Variants in CATSPERE observed in about 807,000 individuals in gnomAD.
CATSPERE encodes cation channel sperm-associated auxiliary subunit epsilon.
Under a neutral mutation model 114.1 loss-of-function variants are expected in CATSPERE, and 93 were observed. The observed-to-expected ratio is 0.81, with a 90% CI of 0.69 to 0.97. The LOEUF is 0.97. CATSPERE is among the 50% of genes least tolerant of loss of function. The pLI is 0.00. For synonymous variants in CATSPERE, 341 were observed against 384.1 expected (o/e 0.89, Z 1.31); for missense variants, 1,058 against 1,131.6 (o/e 0.93, Z 0.93).
intron 20 of CATSPERE, among the ~76,000 whole-genome samples, chr1:244,627,153 G>T (rs1673300675): frequency 6.6e-6 from 1 of 152,188 alleles, no homozygotes; most frequent in Admixed American, 6.5e-5. Flanking sequence ...AGGCTGAGGG[G>T]AGAGATGCGG....
At chr1:244,454,406 C>G (rs746305926) in exon 1 of CATSPERE, 1 of 152,100 alleles carries the variant, frequency 6.6e-6, no homozygotes, top group Non-Finnish European at 1.5e-5. Context: ...AATGTTAATT[C>G]GGTTCCCCAT....
chr1:244,620,494 T>G (rs918232671), intron 20 of CATSPERE, among the ~76,000 whole-genome samples: 3 of 152,178 alleles, frequency 2.0e-5, no homozygotes, highest in Non-Finnish European at 2.9e-5. Flanking sequence ...ACACATATTC[T>G]CTTCCAGTGC....
In CATSPERE at chr1:244,504,533, A is replaced by C. The variant is rs1674525803; in HGVS notation, c.429+5454A>C. On this transcript the variant is annotated intron_variant, in intron 7 of 21. Transcript: ENST00000366534. This position sits in a 1 kb window ranked among gnomAD's most constrained non-coding sequence, Gnocchi z 4.1. ...TCCAGAATCCCACCAGGAATAGCAA[A>C]TTATATTTAGTTGTCTTGTCTCTTT... Among the ~76,000 whole-genome samples the C allele has an allele frequency of 6.6e-6, 1 of 152,226 alleles. No individual in the cohort carries two copies. The highest frequency in any genetic ancestry group is 2.4e-5 in the African/African-American group (1 of 41,460).
chr1:244,545,380 C>CA (rs1197073867), intron 8 of CATSPERE, among the ~76,000 whole-genome samples: 2 of 152,154 alleles, frequency 1.3e-5, no homozygotes, highest in Non-Finnish European at 2.9e-5. Context: ...CCAGGTAGCC[C>CA]AAAAAGCTGT....
chr1:244,635,666 C>A, intron 21 of CATSPERE, 124 bp downstream of exon 21: 1 of 653,630 alleles, frequency 1.5e-6, no homozygotes, highest in Non-Finnish European at 2.7e-6. Flanking sequence ...CTTTTCAGGG[C>A]CCCCAGCTTA....
At chr1:244,497,284 T>C (rs1673253057) in intron 6 of CATSPERE, among the ~76,000 whole-genome samples, 1 of 151,840 alleles carries the variant, frequency 6.6e-6, no homozygotes. Flanking sequence ...CCAAAAATTA[T>C]CATAAACTCA....
chr1:244,536,662 G>C (rs1212598429), intron 8 of CATSPERE, among the ~76,000 whole-genome samples: 1 of 152,156 alleles, frequency 6.6e-6, no homozygotes, highest in Non-Finnish European at 1.5e-5. Flanking sequence ...GGCAACTCAA[G>C]ACTGTCTTTC....
Position 244,548,272 on chromosome 1 carries a change from A to G in CATSPERE, c.537-4050A>G, listed in dbSNP as rs139164254. On this transcript the variant is annotated intron_variant, in intron 8 of 21. Coordinates refer to ENST00000366534, the MANE Select transcript of CATSPERE (RefSeq NM_001130957.2). ...AATGCACGCATGAAAGAAAGTAGCC[A>G]TGGTAGCAGAAATTGAGGTTATTCA... Among the ~76,000 whole-genome samples, 571 of 152,342 alleles carry G rather than the reference A, an allele frequency of 3.7e-3. 2 individuals carry two copies. Among genetic ancestry groups the G allele is most frequent in the African/African-American group, 0.013 (553 of 41,590 alleles).
At chr1:244,526,464 A>C (rs1173962358) in intron 8 of CATSPERE, among the ~76,000 whole-genome samples, 1 of 151,980 alleles carries the variant, frequency 6.6e-6, no homozygotes, top group African/African-American at 2.4e-5. Flanking sequence ...TGTATATCTC[A>C]TTGGCCACAG....
Position 244,596,039 on chromosome 1 carries a change from A to G in CATSPERE, c.2303+2461A>G, listed in dbSNP as rs184293782. Among the ~76,000 whole-genome samples the G allele has an allele frequency of 5.3e-5, 8 of 152,340 alleles. No homozygotes were observed. The East Asian group carries it at 1.5e-3, about 29-fold the overall frequency. On this transcript the variant is annotated intron_variant, in intron 17 of 21. Coordinates refer to ENST00000366534, the MANE Select transcript of CATSPERE (RefSeq NM_001130957.2). The stretch of plus-strand genomic sequence containing the variant: ...GTAGGGAGACCAGCTAGTCAACTGT[A>G]TTGGTAGTCCTGGTGAGGTAGGAGA...
At position 244,610,202 on chromosome 1, in the gene CATSPERE, C is replaced by G. The variant is rs1670521800; in HGVS notation, c.2404-38C>G. On this transcript the variant is annotated intron_variant, in intron 18 of 21. Transcript: ENST00000366534. ...ACTTAGGAATAAGTTGATATGAAAACTTCTACCTACCCACATACATGTGCC... is the reference window on the plus strand; with the variant it reads ...ACTTAGGAATAAGTTGATATGAAAAGTTCTACCTACCCACATACATGTGCC... 4 of 1,371,050 alleles carry G rather than the reference C, an allele frequency of 2.9e-6. No individual in the cohort carries two copies. The African/African-American group carries it at 4.4e-5, about 15-fold the overall frequency. 84.9% of individuals were successfully genotyped at this position (1,371,050 alleles called of 1,614,324 possible).
rs560098370 is a variant in CATSPERE at position 244,640,251 on chromosome 1, T to C, written c.*170T>C. The C allele has an allele frequency of 6.2e-5, 32 of 514,706 alleles. No homozygotes were observed. In the South Asian group the frequency reaches 8.2e-4, roughly 13 times the overall value. 31.9% of individuals were successfully genotyped at this position (514,706 alleles called of 1,614,324 possible). ...TCTTGAACTATCTCCAAAATAGAAA[T>C]GTTTTCATATATATTGTTATTAAAT... On this transcript the variant is annotated 3_prime_UTR_variant, in exon 22 of 22. Coordinates refer to ENST00000366534, the MANE Select transcript of CATSPERE (RefSeq NM_001130957.2).
intron 8 of CATSPERE, among the ~76,000 whole-genome samples, chr1:244,531,633 G>A (rs1679618371): frequency 6.6e-6 from 1 of 151,990 alleles, no homozygotes; most frequent in Admixed American, 6.6e-5. Flanking sequence ...TATCACATTG[G>A]TTGATTTGCA....
intron 10 of CATSPERE, 22 bp from the exon 11 acceptor site, chr1:244,572,308 C>A: frequency 8.2e-7 from 1 of 1,221,672 alleles, no homozygotes; most frequent in Non-Finnish European, 1.1e-6. Flanking sequence ...TAGACTAACA[C>A]AAACTTTTCT....
intron 7 of CATSPERE, among the ~76,000 whole-genome samples, chr1:244,503,418 A>C (rs908906495): frequency 6.6e-6 from 1 of 152,114 alleles, no homozygotes; most frequent in African/African-American, 2.4e-5. Context: ...CCAAATAAAC[A>C]TGTTCTTATT....
chr1:244,578,716 G>T (rs1665671977), intron 11 of CATSPERE, among the ~76,000 whole-genome samples: 3 of 141,502 alleles, frequency 2.1e-5, no homozygotes, highest in Non-Finnish European at 3.1e-5. Flanking sequence ...TATATATACA[G>T]GTATATATAT....
chr1:244,483,908 A>G (rs991964217), intron 5 of CATSPERE, among the ~76,000 whole-genome samples: 6 of 152,068 alleles, frequency 3.9e-5, no homozygotes, highest in Non-Finnish European at 8.8e-5. Context: ...GATTTCTCCT[A>G]TATTGTTTTC....
intron 5 of CATSPERE, among the ~76,000 whole-genome samples, chr1:244,483,052 T>C (rs1331230804): frequency 1.3e-5 from 2 of 152,206 alleles, no homozygotes; most frequent in African/African-American, 4.8e-5. Flanking sequence ...GGTATTTCAT[T>C]GTATGACTCT....
At chr1:244,605,060 G>C (rs893705826) in intron 17 of CATSPERE, among the ~76,000 whole-genome samples, 2 of 152,182 alleles carry the variant, frequency 1.3e-5, no homozygotes, top group Non-Finnish European at 2.9e-5. Flanking sequence ...CTGCTTCTCA[G>C]CCTCACCTCG....
Sources: allele counts gnomAD v4.1 joint callset (sites outside exome capture counted in the v4.1 genomes callset), GRCh38; gene constraint gnomAD v4.1.1; non-coding constraint Gnocchi (gnomAD v3.1); transcripts MANE v1.5; gene names NCBI Gene and HGNC (gene_info 2026-07-23, HGNC 2026-07-21).